CLASP1: variants seen among roughly 807,000 people sequenced by gnomAD.
CLASP1 encodes the protein cytoplasmic linker associated protein 1.
CLASP1 carries 38 observed loss-of-function variants against 192.3 expected under a neutral mutation model. That is an observed-to-expected ratio of 0.20 (90% CI 0.15 to 0.26). CLASP1 has a LOEUF of 0.26. CLASP1 is among the 10% of genes least tolerant of loss of function. The probability of loss-of-function intolerance (pLI) is 1.00; values close to 1 mark genes in which losing one functional copy is unlikely to be tolerated. For synonymous variants in CLASP1, 691 were observed against 712.8 expected, an observed-to-expected ratio of 0.97 and a Z score of 0.49; for missense variants, 1,433 against 1,932.5, an observed-to-expected ratio of 0.74 and a Z score of 4.85.
At chr2:121,430,740 A>G (rs2081250730) in intron 19 of CLASP1, among the ~76,000 whole-genome samples, 1 of 152,192 alleles carries the variant, frequency 6.6e-6, no homozygotes. Context: ...TTTTTAAAGC[A>G]TGTAAGTCAG....
intron 19 of CLASP1, among the ~76,000 whole-genome samples, chr2:121,442,287 A>C (rs569069850): frequency 1.1e-4 from 16 of 152,350 alleles, no homozygotes; most frequent in Non-Finnish European, 2.1e-4. Context: ...CATACTGAAG[A>C]TAATAACCTA....
At chr2:121,605,769 C>A in exon 2 of CLASP1, 1 of 1,614,014 alleles carries the variant, frequency 6.2e-7, no homozygotes, top group South Asian at 1.1e-5. Context: ...ATGGTCTGGT[C>A]ATGCTCAAGG....
chr2:121,400,296 C>T (rs1288653048), intron 28 of CLASP1, among the ~76,000 whole-genome samples: 2 of 152,138 alleles, frequency 1.3e-5, no homozygotes, highest in Admixed American at 6.5e-5. Context: ...GAAGGGTAAT[C>T]GCTCTGGATA....
At chr2:121,382,132 C>A in intron 33 of CLASP1, 76 bp downstream of exon 34, 2 of 1,192,396 alleles carry the variant, frequency 1.7e-6, no homozygotes, top group Non-Finnish European at 1.2e-6. Flanking sequence ...TAGAGGCTTT[C>A]CCAAAGACCT....
rs148755183 is a variant in CLASP1 at position 121,473,569 on chromosome 2, A to G, written c.713-3609T>C. Among the ~76,000 whole-genome samples the G allele has an allele frequency of 1.8e-3, 270 of 152,264 alleles. 1 individual carries two copies. The Middle Eastern group carries it at 0.02, about 12-fold the overall frequency. On this transcript the variant is annotated intron_variant, in intron 8 of 39. Coordinates refer to ENST00000263710, the Ensembl canonical transcript of CLASP1. ...GGGGAAGGACAGAAAAAGACTGAGAAATGATGGCCAAAACATTTCCAAATT... is the reference window on the plus strand; with the variant it reads ...GGGGAAGGACAGAAAAAGACTGAGAGATGATGGCCAAAACATTTCCAAATT...
At chr2:121,604,338 C>T (rs915239788) in intron 2 of CLASP1, among the ~76,000 whole-genome samples, 2 of 152,156 alleles carry the variant, frequency 1.3e-5, no homozygotes, top group African/African-American at 4.8e-5. Flanking sequence ...AGTGAATAAA[C>T]AGATGAATGA....
At chr2:121,348,481 G>T in intron 38 of CLASP1, 31 bp downstream of exon 39, 1 of 1,569,814 alleles carries the variant, frequency 6.4e-7, no homozygotes, top group Non-Finnish European at 8.7e-7. Flanking sequence ...CACACAGGCC[G>T]GGGGCAGGCC....
intron 18 of CLASP1, among the ~76,000 whole-genome samples, chr2:121,447,777 T>C (rs1559233437): frequency 6.6e-6 from 1 of 152,158 alleles, no homozygotes; most frequent in African/African-American, 2.4e-5. Flanking sequence ...ATGGACCATG[T>C]TTCTGCTTAC....
At chr2:121,351,395 T>A (rs537469263) in intron 37 of CLASP1, among the ~76,000 whole-genome samples, 17 of 152,360 alleles carry the variant, frequency 1.1e-4, no homozygotes, top group African/African-American at 3.8e-4. Context: ...TTATCAAACA[T>A]CCAGGAACTG....
At chr2:121,425,433 T>G in intron 21 of CLASP1, 127 bp from the exon 22 acceptor site, 1 of 750,910 alleles carries the variant, frequency 1.3e-6, no homozygotes, top group South Asian at 2.1e-5. Context: ...AAATAAATTT[T>G]TATTTGGTGG....
At chr2:121,555,231 T>C (rs928919552) in intron 2 of CLASP1, among the ~76,000 whole-genome samples, 4 of 152,250 alleles carry the variant, frequency 2.6e-5, no homozygotes, top group African/African-American at 9.6e-5. Context: ...TCTGCAGCAC[T>C]GTGTGTTCTC....
intron 2 of CLASP1, among the ~76,000 whole-genome samples, chr2:121,579,097 C>T (rs1005881263): frequency 4.6e-5 from 7 of 152,076 alleles, no homozygotes; most frequent in African/African-American, 1.4e-4. Flanking sequence ...GTCCTTAGAC[C>T]GTCACATCAT....
intron 6 of CLASP1, among the ~76,000 whole-genome samples, chr2:121,518,826 C>T (rs992396914): frequency 4.6e-5 from 7 of 151,762 alleles, no homozygotes; most frequent in Non-Finnish European, 1.0e-4. Context: ...TGCAGTGAGC[C>T]GAGATTACAC....
intron 37 of CLASP1, among the ~76,000 whole-genome samples, chr2:121,356,472 G>C (rs140533188): frequency 2.6e-5 from 4 of 152,194 alleles, no homozygotes; most frequent in Non-Finnish European, 5.9e-5. Flanking sequence ...AAAAGTTCCA[G>C]GCTATAAGTC....
chr2:121,351,527 C>T (rs1197911872), intron 37 of CLASP1, among the ~76,000 whole-genome samples: 1 of 152,164 alleles, frequency 6.6e-6, no homozygotes, highest in Non-Finnish European at 1.5e-5. Flanking sequence ...TTAAAGAAGC[C>T]CTACCTCCCT....
At chr2:121,539,303 G>A (rs1252149533) in intron 2 of CLASP1, among the ~76,000 whole-genome samples, 2 of 152,196 alleles carry the variant, frequency 1.3e-5, no homozygotes, top group Non-Finnish European at 2.9e-5. Context: ...GCTATCAGTT[G>A]ATGGACAGAC....
chr2:121,396,247 G>C (rs2075268050), intron 30 of CLASP1, among the ~76,000 whole-genome samples: 1 of 152,196 alleles, frequency 6.6e-6, no homozygotes, highest in African/African-American at 2.4e-5. Context: ...ACCTCACAAT[G>C]GGAAAGGAGA....
At chr2:121,623,527 C>T (rs1314746868) in intron 1 of CLASP1, among the ~76,000 whole-genome samples, 1 of 152,202 alleles carries the variant, frequency 6.6e-6, no homozygotes, top group Non-Finnish European at 1.5e-5. Flanking sequence ...GTTTTGGTAT[C>T]AGCCTAATAA....
intron 2 of CLASP1, among the ~76,000 whole-genome samples, chr2:121,545,604 T>G (rs931245707): frequency 4.6e-5 from 7 of 152,218 alleles, no homozygotes; most frequent in Non-Finnish European, 2.9e-5. Context: ...TTGGGCATCG[T>G]TGAACTTGAC....
Sources: allele counts gnomAD v4.1 joint callset (sites outside exome capture counted in the v4.1 genomes callset), GRCh38; gene constraint gnomAD v4.1.1; transcripts MANE v1.5; gene names NCBI Gene and HGNC (gene_info 2026-07-23, HGNC 2026-07-21).